SEMA3A: variants seen among roughly 807,000 people sequenced by gnomAD.
SEMA3A encodes the protein semaphorin-3A.
SEMA3A carries 29 observed loss-of-function variants against 97.9 expected under a neutral mutation model. The ratio of observed to expected loss-of-function variants is 0.30; its 90% CI spans 0.22 to 0.40. SEMA3A has a LOEUF of 0.40. Ranked by LOEUF, SEMA3A falls within the 10% of genes least tolerant of loss-of-function variation. The pLI, the probability that SEMA3A is intolerant of heterozygous loss-of-function variation, is 1.00. For synonymous variants in SEMA3A, 321 were observed against 323.7 expected (o/e 0.99, Z 0.09); for missense variants, 763 against 951.3 (o/e 0.80, Z 2.60).
chr7:84,149,354 T>G (rs1796558899), intron 1 of SEMA3A, among the ~76,000 whole-genome samples: 1 of 152,232 alleles, frequency 6.6e-6, no homozygotes, highest in Admixed American at 6.5e-5. Context: ...AGAAATGTTC[T>G]AAGATTGAAG....
At chr7:84,428,838 A>G (rs2116313229) in intron 1 of SEMA3A, among the ~76,000 whole-genome samples, 1 of 152,220 alleles carries the variant, frequency 6.6e-6, no homozygotes, top group Admixed American at 6.5e-5. Context: ...CTTATCTGGG[A>G]TTAAATTCTT....
intron 5 of SEMA3A, among the ~76,000 whole-genome samples, chr7:84,051,015 G>C (rs1443536160): frequency 6.6e-6 from 1 of 151,810 alleles, no homozygotes; most frequent in African/African-American, 2.4e-5. Context: ...AGATCAGATA[G>C]TTGTAGATAT....
intron 2 of SEMA3A, among the ~76,000 whole-genome samples, chr7:84,350,182 G>C (rs1460569148): frequency 6.6e-6 from 1 of 151,948 alleles, no homozygotes; most frequent in Non-Finnish European, 1.5e-5. Context: ...TAGATTAAAT[G>C]TTTCTCATAC....
At chr7:84,375,054 C>G (rs988162906) in intron 1 of SEMA3A, among the ~76,000 whole-genome samples, 1 of 152,176 alleles carries the variant, frequency 6.6e-6, no homozygotes, top group Non-Finnish European at 1.5e-5. Flanking sequence ...GAGTCTCACT[C>G]TGTCACCCAG....
chr7:83,990,136 A>C (rs1421407350), intron 12 of SEMA3A, among the ~76,000 whole-genome samples: 1 of 151,652 alleles, frequency 6.6e-6, no homozygotes, highest in African/African-American at 2.4e-5. Context: ...GTGTCTGTTC[A>C]TGTCCTTCGC....
At chr7:84,169,963 A>T (rs1188785647) in intron 1 of SEMA3A, among the ~76,000 whole-genome samples, 1 of 151,914 alleles carries the variant, frequency 6.6e-6, no homozygotes, top group East Asian at 1.9e-4. Flanking sequence ...ATATTTATTT[A>T]AAAATAACAT....
chr7:83,959,732 G>T lies in SEMA3A; in HGVS notation c.*1639C>A, dbSNP rs1369125381. The T allele has an allele frequency of 6.6e-6, 1 of 152,048 alleles. No homozygotes were observed. The highest frequency in any genetic ancestry group is 1.9e-4 in the East Asian group (1 of 5,190). The allele number at this position is 152,048 out of a possible 1,614,324, so 9.4% of individuals were successfully genotyped here. A position where few individuals can be genotyped will look rare whatever the true frequency, so the allele number is the denominator to read the frequency against. On this transcript the variant is annotated 3_prime_UTR_variant, in exon 17 of 17. Transcript: ENST00000265362. ...ATGTTGCTTCATTAATTACTAATAA[G>T]ATGTTTTCTTTGCATTTTTGTGCAT...
intron 2 of SEMA3A, among the ~76,000 whole-genome samples, chr7:84,368,022 T>C (rs1802893426): frequency 6.6e-6 from 1 of 151,222 alleles, no homozygotes. Context: ...GAAGTAATGC[T>C]TTCAAGGATG....
At chr7:84,421,831 A>G (rs983249113) in intron 1 of SEMA3A, among the ~76,000 whole-genome samples, 2 of 151,850 alleles carry the variant, frequency 1.3e-5, no homozygotes, top group Non-Finnish European at 2.9e-5. Flanking sequence ...ACTGATTTGC[A>G]TATGTTGAAC....
intron 1 of SEMA3A, among the ~76,000 whole-genome samples, chr7:84,144,312 A>C (rs1363423364): frequency 6.6e-6 from 1 of 152,106 alleles, no homozygotes; most frequent in African/African-American, 2.4e-5. Context: ...AAGTTCACTA[A>C]AATGTAAATG....
intron 1 of SEMA3A, among the ~76,000 whole-genome samples, chr7:84,424,583 T>A (rs866902066): frequency 1.2e-4 from 6 of 50,624 alleles, no homozygotes; most frequent in African/African-American, 6.4e-4. Flanking sequence ...TTAATATATA[T>A]TATATATAAT....
chr7:84,082,550 G>T (rs1031567573), intron 4 of SEMA3A, among the ~76,000 whole-genome samples: 5 of 152,120 alleles, frequency 3.3e-5, no homozygotes, highest in Admixed American at 2.0e-4. Flanking sequence ...TATATTTTAA[G>T]TCATCTTTAT....
At chr7:84,425,757 G>C (rs1291401647) in intron 1 of SEMA3A, among the ~76,000 whole-genome samples, 2 of 148,878 alleles carry the variant, frequency 1.3e-5, no homozygotes, top group Admixed American at 6.8e-5. Flanking sequence ...CAGATCACAA[G>C]GTCCGGAGTT....
chr7:84,342,932 G>C (rs1584252259), intron 2 of SEMA3A, among the ~76,000 whole-genome samples: 1 of 152,124 alleles, frequency 6.6e-6, no homozygotes, highest in East Asian at 1.9e-4. Context: ...ATTGTGCTTA[G>C]TGTATTTTTG....
intron 6 of SEMA3A, among the ~76,000 whole-genome samples, chr7:84,033,321 T>A (rs1385353619): frequency 6.6e-6 from 1 of 152,182 alleles, no homozygotes; most frequent in Admixed American, 6.5e-5. Context: ...AAGAAAAATT[T>A]AAAAGCAAAA....
At chr7:84,109,524 TA>T (rs948543812) in intron 4 of SEMA3A, among the ~76,000 whole-genome samples, 11 of 152,238 alleles carry the variant, frequency 7.2e-5, no homozygotes, top group Non-Finnish European at 1.3e-4. Context: ...TTTTGATTTC[TA>T]ATTCATTTGG....
chr7:84,451,722 T>C (rs1001672991), intron 1 of SEMA3A, among the ~76,000 whole-genome samples: 1 of 152,180 alleles, frequency 6.6e-6, no homozygotes, highest in Admixed American at 6.5e-5. Context: ...AAAACTTCTG[T>C]TGGAAAATCA....
chr7:84,070,543 C>T (rs1324172200), intron 4 of SEMA3A, among the ~76,000 whole-genome samples: 1 of 151,838 alleles, frequency 6.6e-6, no homozygotes, highest in Non-Finnish European at 1.5e-5. Context: ...AGAAAGGAAA[C>T]CTTTATATAT....
chr7:84,398,745 C>A (rs2116201404), intron 1 of SEMA3A, among the ~76,000 whole-genome samples: 1 of 152,050 alleles, frequency 6.6e-6, no homozygotes, highest in African/African-American at 2.4e-5. Flanking sequence ...GAGTTTAAGG[C>A]TGCAAAGAGG....
Sources: gnomAD v4.1 joint callset for allele counts (sites outside exome capture counted in the v4.1 genomes callset) on GRCh38, gnomAD v4.1.1 for gene constraint, MANE v1.5 for transcripts, NCBI Gene and HGNC (gene_info 2026-07-23, HGNC 2026-07-21) for gene names.